The following ANTXR2 variants were observed in gnomAD, a reference collection of about 807,000 sequenced individuals.
ANTXR2 encodes ANTXR cell adhesion molecule 2, also known as anthrax toxin receptor 2.
A neutral mutation model predicts 73.7 loss-of-function variants in ANTXR2; 44 were observed. That is an observed-to-expected ratio of 0.60 (90% confidence interval 0.47 to 0.77). The LOEUF (loss-of-function observed/expected upper bound fraction) is 0.77, where lower values mean the gene tolerates loss of function less well. Ranked by LOEUF, ANTXR2 falls within the 30% of genes least tolerant of loss-of-function variation. The pLI is 0.00. For synonymous variants in ANTXR2, 217 were observed against 205.9 expected, an observed-to-expected ratio of 1.05 and a Z score of -0.46; for missense variants, 604 against 592.5, an observed-to-expected ratio of 1.02 and a Z score of -0.20.
intron 16 of ANTXR2, among the ~76,000 whole-genome samples, chr4:79,922,084 G>T (rs1727614070): frequency 6.6e-6 from 1 of 151,984 alleles, no homozygotes; most frequent in Non-Finnish European, 1.5e-5. Context: ...AACTGCTAGA[G>T]CAGCAGACAA....
chr4:80,058,146 A>G (rs1734085681), intron 3 of ANTXR2, among the ~76,000 whole-genome samples: 1 of 152,080 alleles, frequency 6.6e-6, no homozygotes, highest in African/African-American at 2.4e-5. Flanking sequence ...AGCCTTCTCC[A>G]TTCAGTTCAA....
intron 7 of ANTXR2, among the ~76,000 whole-genome samples, chr4:80,046,630 T>C (rs896758226): frequency 2.0e-5 from 3 of 151,836 alleles, no homozygotes; most frequent in Non-Finnish European, 4.4e-5. Flanking sequence ...TTAGTCTATA[T>C]TTATTCCATT....
At chr4:80,009,405 T>C (rs755722380) in intron 11 of ANTXR2, among the ~76,000 whole-genome samples, 2 of 152,224 alleles carry the variant, frequency 1.3e-5, no homozygotes, top group African/African-American at 4.8e-5. Context: ...TATACTTTAA[T>C]CTTTAGTACT....
intron 16 of ANTXR2, among the ~76,000 whole-genome samples, chr4:79,951,756 T>C (rs1578106515): frequency 6.6e-6 from 1 of 152,160 alleles, no homozygotes; most frequent in East Asian, 1.9e-4. Context: ...CCTTCAAGAT[T>C]AACTCAACTC....
intron 16 of ANTXR2, among the ~76,000 whole-genome samples, chr4:79,958,304 C>G (rs1729001092): frequency 1.3e-5 from 2 of 151,960 alleles, no homozygotes; most frequent in South Asian, 4.1e-4. Flanking sequence ...GAATATTAAC[C>G]CAAGGAAATA....
rs751570496 is a variant in ANTXR2, at chr4:80,056,018, AAAT to A, written c.297-8_297-6del. On this transcript the variant is annotated splice_region_variant and splice_polypyrimidine_tract_variant and intron_variant, in intron 3 of 16. Transcript: ENST00000403729. The stretch of plus-strand genomic sequence containing the variant: ...AAGCCTTTACTGATTTTGCCTCTGA[AAAT>A]AATATTAAACAAAAGAAAAAATGAG... 1 of 1,533,074 alleles carries A rather than the reference AAAT, an allele frequency of 6.5e-7. No homozygotes were observed. The highest frequency in any genetic ancestry group is 2.2e-5 in the Admixed American group (1 of 46,424). The allele number at this position is 1,533,074 out of a possible 1,614,324, so 95.0% of individuals were successfully genotyped here.
At chr4:80,052,215 C>T (rs1178669617) in intron 7 of ANTXR2, among the ~76,000 whole-genome samples, 2 of 151,578 alleles carry the variant, frequency 1.3e-5, no homozygotes, top group Non-Finnish European at 3.0e-5. Context: ...AGTATAGTCT[C>T]TTCTATCTCT....
At chr4:80,009,002 T>C (rs1162220386) in intron 11 of ANTXR2, among the ~76,000 whole-genome samples, 1 of 152,172 alleles carries the variant, frequency 6.6e-6, no homozygotes, top group East Asian at 1.9e-4. Flanking sequence ...CTGCAGACTT[T>C]TTGATGGTGA....
At chr4:79,993,760 G>GCGCGCGCGCGCACACACA (rs71662888) in intron 12 of ANTXR2, among the ~76,000 whole-genome samples, 81 of 140,768 alleles carry the variant, frequency 5.8e-4, no homozygotes, top group Middle Eastern at 7.5e-3. Flanking sequence ...ACACACACAC[G>GCGCGCGCGCGCACACACA]CACACACACA....
chr4:79,953,173 C>A (rs953654776), intron 16 of ANTXR2, among the ~76,000 whole-genome samples: 2 of 151,978 alleles, frequency 1.3e-5, no homozygotes, highest in Non-Finnish European at 2.9e-5. Context: ...GATTTCTCAT[C>A]AAAAAAATAG....
chr4:79,915,098 T>C (rs1727291589), intron 16 of ANTXR2, among the ~76,000 whole-genome samples: 1 of 152,146 alleles, frequency 6.6e-6, no homozygotes, highest in Admixed American at 6.5e-5. Flanking sequence ...TCCCAGAAAT[T>C]GTTGCTAGCA....
chr4:80,033,769 C>G (rs557551080), intron 8 of ANTXR2, among the ~76,000 whole-genome samples, 199 bp from the exon 9 acceptor site: 16 of 152,058 alleles, frequency 1.1e-4, no homozygotes, highest in African/African-American at 3.9e-4. Flanking sequence ...AGTGAAGATA[C>G]CATTCACTGC....
chr4:80,013,314 G>T (rs759399385), intron 11 of ANTXR2, among the ~76,000 whole-genome samples: 2 of 152,180 alleles, frequency 1.3e-5, no homozygotes, highest in Non-Finnish European at 2.9e-5. Context: ...CTCTGTGTAA[G>T]GACCAGTTGT....
At position 79,902,166 on chromosome 4, in the gene ANTXR2, T is replaced by C. The variant is rs1051142228; in HGVS notation, c.*5263A>G. 1 of 152,156 alleles carries C rather than the reference T, an allele frequency of 6.6e-6. No individual in the cohort carries two copies. Among genetic ancestry groups the C allele is most frequent in the Non-Finnish European group, 1.5e-5 (1 of 67,982 alleles). The allele number at this position is 152,156 out of a possible 1,614,324, so 9.4% of individuals were successfully genotyped here. Reference sequence around the variant, plus strand: ...GACATTTACAATGTTGTAAATATAATTCATCTAAGATACAAATAACTTCAT... The same window carrying C: ...GACATTTACAATGTTGTAAATATAACTCATCTAAGATACAAATAACTTCAT... On this transcript the variant is annotated 3_prime_UTR_variant, in exon 17 of 17. Transcript: ENST00000403729.
At chr4:80,053,810 A>C (rs1733867456) in intron 7 of ANTXR2, among the ~76,000 whole-genome samples, 2 of 151,752 alleles carry the variant, frequency 1.3e-5, no homozygotes, top group African/African-American at 4.8e-5. Flanking sequence ...TGAAACTATT[A>C]ATCATTTAAA....
At chr4:80,012,283 A>G (rs1198665380) in intron 11 of ANTXR2, among the ~76,000 whole-genome samples, 1 of 152,120 alleles carries the variant, frequency 6.6e-6, no homozygotes, top group Non-Finnish European at 1.5e-5. Context: ...TTAGGAAACT[A>G]TGGTACAAGA....
At chr4:80,059,448 C>T (rs1734143218) in intron 3 of ANTXR2, among the ~76,000 whole-genome samples, 2 of 151,842 alleles carry the variant, frequency 1.3e-5, no homozygotes, top group Non-Finnish European at 2.9e-5. Flanking sequence ...AACTTCAAAC[C>T]CCTGGACTCA....
intron 16 of ANTXR2, among the ~76,000 whole-genome samples, chr4:79,947,372 T>C (rs1365674440): frequency 6.6e-6 from 1 of 152,168 alleles, no homozygotes; most frequent in Non-Finnish European, 1.5e-5. Flanking sequence ...CAAGGTCCTA[T>C]TCACAACAAG....
At chr4:79,945,179 A>C (rs1436239510) in intron 16 of ANTXR2, among the ~76,000 whole-genome samples, 2 of 152,046 alleles carry the variant, frequency 1.3e-5, no homozygotes, top group African/African-American at 4.8e-5. Context: ...AATATGCATC[A>C]ATTTCTTGCC....
Sources: gnomAD v4.1 joint callset for allele counts (sites outside exome capture counted in the v4.1 genomes callset) on GRCh38, gnomAD v4.1.1 for gene constraint, MANE v1.5 for transcripts, NCBI Gene and HGNC (gene_info 2026-07-23, HGNC 2026-07-21) for gene names.